The following ALDH1A3 variants were observed in gnomAD, a reference collection of about 807,000 sequenced individuals.
ALDH1A3 encodes aldehyde dehydrogenase 1 family member A3.
ALDH1A3 carries 28 observed loss-of-function variants against 57.5 expected under a neutral mutation model. That is an observed-to-expected ratio of 0.49 (90% CI 0.36 to 0.67). The LOEUF (loss-of-function observed/expected upper bound fraction) is 0.67, where lower values mean the gene tolerates loss of function less well. Among genes scored for constraint, ALDH1A3 ranks in the 30% least tolerant of loss-of-function variants. ALDH1A3 has a pLI of 0.00. For synonymous variants in ALDH1A3, 281 were observed against 264.8 expected (o/e 1.06, Z -0.59); for missense variants, 507 against 669.4 (o/e 0.76, Z 2.68).
intron 4 of ALDH1A3, 67 bp downstream of exon 4, chr15:100,892,706 G>A: frequency 6.5e-7 from 1 of 1,541,410 alleles, no homozygotes; most frequent in South Asian, 1.3e-5. Flanking sequence ...TTAATCCAGA[G>A]CCCCCCCTGA....
intron 1 of ALDH1A3, 154 bp downstream of exon 1, chr15:100,880,160 G>T: frequency 2.2e-6 from 1 of 445,274 alleles, no homozygotes; most frequent in Non-Finnish European, 3.7e-6. Context: ...TCCAGAAACC[G>T]CACCTTTCGC....
intron 9 of ALDH1A3, among the ~76,000 whole-genome samples, chr15:100,904,481 CT>C (rs1376866963): frequency 3.9e-5 from 6 of 152,208 alleles, no homozygotes; most frequent in Admixed American, 3.3e-4. Context: ...GGGTTTGCTT[CT>C]TTTTCTGTTT....
chr15:100,905,899 G>A (rs1033963348), intron 10 of ALDH1A3, among the ~76,000 whole-genome samples: 2 of 151,846 alleles, frequency 1.3e-5, no homozygotes, highest in South Asian at 4.2e-4. Flanking sequence ...CGAACTCCAA[G>A]CATGATACAG....
chr15:100,892,493 T>G lies in ALDH1A3; in HGVS notation c.346-17T>G. 1 of 1,608,500 alleles carries G rather than the reference T, an allele frequency of 6.2e-7. No individual in the cohort carries two copies. The highest frequency in any genetic ancestry group is 8.5e-7 in the Non-Finnish European group (1 of 1,178,798). On this transcript the variant is annotated splice_polypyrimidine_tract_variant and intron_variant, in intron 3 of 12. Transcript: ENST00000329841. ...AAGCAAGCTATGTCCGAAACAGACA[T>G]CATCTTGTTATTGCAGGCCCTGGAG...
chr15:100,887,625 G>C lies in ALDH1A3; in HGVS notation c.258G>C (p.Ser86=), dbSNP rs368918536. Residue 86 remains serine (S), a synonymous_variant, in exon 3 of 13, where the codon TCG becomes TCC. Transcript: ENST00000329841. This position sits in a 1 kb window ranked among gnomAD's most constrained non-coding sequence, Gnocchi z 4.6. The stretch of plus-strand genomic sequence containing the variant: ...CACAGGTTGCCTTCCAGAGGGGCTC[G>C]CCATGGCGCCGGCTGGATGCCCTGA... The part of the protein sequence containing the change: ...EAAQVAFQRG[S]PWRRLDALSR... 6.8e-6 allele frequency: 11 copies of C among 1,611,566 alleles called. 1 individual carries two copies. The highest frequency in any genetic ancestry group is 2.2e-5 in the East Asian group (1 of 44,722).
At chr15:100,907,850 T>C (rs964602930) in intron 11 of ALDH1A3, among the ~76,000 whole-genome samples, 3 of 131,804 alleles carry the variant, frequency 2.3e-5, no homozygotes, top group African/African-American at 8.4e-5. Flanking sequence ...CTTTCTTTTT[T>C]TTTTTTTTTT....
chr15:100,913,390 T>G (rs1221623690), intron 12 of ALDH1A3: 1 of 152,252 alleles, frequency 6.6e-6, no homozygotes, highest in Non-Finnish European at 1.5e-5. Flanking sequence ...ATCTACTTCC[T>G]TGCCTTTTCC....
intron 8 of ALDH1A3, 54 bp downstream of exon 8, chr15:100,898,239 C>T (rs1424940416): frequency 1.3e-6 from 2 of 1,486,994 alleles, no homozygotes; most frequent in Non-Finnish European, 1.9e-6. Flanking sequence ...CCATCTGTCT[C>T]CCCCTACTTC....
Position 100,914,823 on chromosome 15 carries a change from A to G in ALDH1A3, c.*50A>G, listed in dbSNP as rs750328537. 1.1e-5 allele frequency: 17 copies of G among 1,569,914 alleles called. No individual in the cohort carries two copies. The highest frequency in any genetic ancestry group is 1.5e-5 in the Non-Finnish European group (17 of 1,142,146). On this transcript the variant is annotated 3_prime_UTR_variant, in exon 13 of 13. Transcript: ENST00000329841. Reference sequence around the variant, plus strand: ...AACATCGGACGGCGGAATGTGGCAGATGAAATGTGCTGGAGGAAAAAAATG... The same window carrying G: ...AACATCGGACGGCGGAATGTGGCAGGTGAAATGTGCTGGAGGAAAAAAATG...
chr15:100,895,385 G>A (rs2041690592), intron 6 of ALDH1A3: 1 of 151,732 alleles, frequency 6.6e-6, no homozygotes, highest in African/African-American at 2.4e-5. Flanking sequence ...GGGAGGCGGA[G>A]CTTACAGTGA....
chr15:100,893,767 C>A lies in ALDH1A3; in HGVS notation c.538-187C>A. On this transcript the variant is annotated intron_variant, in intron 5 of 12. Coordinates refer to ENST00000329841, the MANE Select transcript of ALDH1A3 (RefSeq NM_000693.4). This position sits in a 1 kb window ranked among gnomAD's most constrained non-coding sequence, Gnocchi z 4.8. The stretch of plus-strand genomic sequence containing the variant: ...TTGCAAAGGCTGCCTATTAGTACCA[C>A]CCAGAATGCAGTTTAGGAAGTGCTG... 1.4e-6 allele frequency: 1 copy of A among 693,290 alleles called. No homozygotes were observed. The highest frequency in any genetic ancestry group is 2.3e-6 in the Non-Finnish European group (1 of 434,066). 42.9% of individuals were successfully genotyped at this position (693,290 alleles called of 1,614,324 possible). A position where few individuals can be genotyped will look rare whatever the true frequency, so the allele number is the denominator to read the frequency against.
chr15:100,891,716 C>T lies in ALDH1A3; in HGVS notation c.346-794C>T, dbSNP rs191845765. Among the ~76,000 whole-genome samples the T allele has an allele frequency of 6.4e-4, 98 of 152,358 alleles. 1 individual carries two copies. Among genetic ancestry groups the T allele is most frequent in the Non-Finnish European group, 1.1e-3 (78 of 68,028 alleles). On this transcript the variant is annotated intron_variant, in intron 3 of 12. Coordinates refer to ENST00000329841, the MANE Select transcript of ALDH1A3 (RefSeq NM_000693.4). The stretch of plus-strand genomic sequence containing the variant: ...TCCAGCCCTGGGCTATGTGTCAGGG[C>T]GGCCACTTCCTGCAGAGGCGGATGA...
rs530540497 is a variant in ALDH1A3, at chr15:100,906,988, T to C, written c.1234-133T>C. ...AGCAATGTTTGGACGTTCTTTCTTCTCTAATCATCGTTTTTCAGGCATGTG... is the reference window on the plus strand; with the variant it reads ...AGCAATGTTTGGACGTTCTTTCTTCCCTAATCATCGTTTTTCAGGCATGTG... On this transcript the variant is annotated intron_variant, in intron 10 of 12. Transcript: ENST00000329841. This position sits in a 1 kb window ranked among gnomAD's most constrained non-coding sequence, Gnocchi z 4.8. The C allele has an allele frequency of 1.9e-4, 188 of 987,854 alleles. No individual in the cohort carries two copies. The highest frequency in any genetic ancestry group is 2.6e-4 in the Non-Finnish European group (182 of 690,126). The allele number at this position is 987,854 out of a possible 1,614,324, so 61.2% of individuals were successfully genotyped here.
chr15:100,895,022 T>C (rs544605717), intron 6 of ALDH1A3: 4 of 152,246 alleles, frequency 2.6e-5, no homozygotes, highest in Middle Eastern at 3.4e-3. Context: ...GCTTAGTATA[T>C]GAAAAACACG....
At chr15:100,881,661 G>A (rs896244330) in intron 1 of ALDH1A3, among the ~76,000 whole-genome samples, 1 of 152,116 alleles carries the variant, frequency 6.6e-6, no homozygotes, top group Admixed American at 6.5e-5. Context: ...TTGTCTTGGT[G>A]GGTGCGCAAC....
In ALDH1A3 at chr15:100,894,290, T is replaced by C; in HGVS notation, c.666+208T>C. 1.7e-6 allele frequency: 1 copy of C among 574,076 alleles called. No homozygotes were observed. Among genetic ancestry groups the C allele is most frequent in the Non-Finnish European group, 3.0e-6 (1 of 329,754 alleles). The allele number at this position is 574,076 out of a possible 1,614,324, so 35.6% of individuals were successfully genotyped here. ...GAAACTCCATTCCTCCCAGTGGTCCTAATGAGAATGCTTAACTCTTATTAT... is the reference window on the plus strand; with the variant it reads ...GAAACTCCATTCCTCCCAGTGGTCCCAATGAGAATGCTTAACTCTTATTAT... On this transcript the variant is annotated intron_variant, in intron 6 of 12. Coordinates refer to ENST00000329841, the MANE Select transcript of ALDH1A3 (RefSeq NM_000693.4). This position sits in a 1 kb window ranked among gnomAD's most constrained non-coding sequence, Gnocchi z 4.5.
chr15:100,887,694 G>A lies in ALDH1A3; in HGVS notation c.327G>A (p.Arg109=), dbSNP rs146169888. ...LLHQLADLVE[R]DRATLAALET... is the part of the protein sequence containing the mutation. The stretch of plus-strand genomic sequence containing the variant: ...ACCAGCTGGCTGACCTGGTGGAGAG[G>A]GACCGCGCCACCTTGGCCGTGAGTA... Residue 109 remains arginine, a synonymous_variant, in exon 3 of 13, where the codon AGG becomes AGA. Coordinates refer to ENST00000329841, the MANE Select transcript of ALDH1A3 (RefSeq NM_000693.4). The surrounding 1 kb of genome is among the most constrained non-coding windows in gnomAD (Gnocchi z 4.6). 3,455 of 1,606,186 alleles carry A rather than the reference G, an allele frequency of 2.2e-3. 1 individual carries two copies. Among genetic ancestry groups the A allele is most frequent in the Non-Finnish European group, 2.6e-3 (3,006 of 1,175,684 alleles).
chr15:100,902,639 C>T (rs2041781527), intron 9 of ALDH1A3, among the ~76,000 whole-genome samples: 1 of 152,250 alleles, frequency 6.6e-6, no homozygotes, highest in East Asian at 1.9e-4. Flanking sequence ...GAGCCGAGCA[C>T]AGCCTTGAGC....
At position 100,879,834 on chromosome 15, in the gene ALDH1A3, G is replaced by C. The variant is rs1325796332; in HGVS notation, c.-74G>C. 5 of 1,124,544 alleles carry C rather than the reference G, an allele frequency of 4.4e-6. No homozygotes were observed. The highest frequency in any genetic ancestry group is 5.7e-6 in the Non-Finnish European group (5 of 872,074). 69.7% of individuals were successfully genotyped at this position (1,124,544 alleles called of 1,614,324 possible). A position where few individuals can be genotyped will look rare whatever the true frequency, so the allele number is the denominator to read the frequency against. The stretch of plus-strand genomic sequence containing the variant: ...GGCGGGGAGCTGCCACCCCGGGAGC[G>C]GGCTGCGCAGTGTCCGGGCCGAGCC... On this transcript the variant is annotated 5_prime_UTR_variant, in exon 1 of 13. Coordinates refer to ENST00000329841, the MANE Select transcript of ALDH1A3 (RefSeq NM_000693.4).
Sources: allele counts gnomAD v4.1 joint callset (sites outside exome capture counted in the v4.1 genomes callset), GRCh38; gene constraint gnomAD v4.1.1; non-coding constraint Gnocchi (gnomAD v3.1); transcripts MANE v1.5; gene names NCBI Gene and HGNC (gene_info 2026-07-23, HGNC 2026-07-21).